ZDHHC14: variants seen among roughly 807,000 people sequenced by gnomAD.
ZDHHC14 encodes palmitoyltransferase ZDHHC14.
A neutral mutation model predicts 47.7 loss-of-function variants in ZDHHC14; 16 were observed. That is an observed-to-expected ratio of 0.34 (90% CI 0.23 to 0.51). The LOEUF is 0.51. Ranked by LOEUF, ZDHHC14 falls within the 20% of genes least tolerant of loss-of-function variation. ZDHHC14 has a pLI of 0.97. For synonymous variants in ZDHHC14, 293 were observed against 278.9 expected (o/e 1.05, Z -0.50); for missense variants, 515 against 662.5 (o/e 0.78, Z 2.44).
intron 1 of ZDHHC14, among the ~76,000 whole-genome samples, chr6:157,459,912 C>T (rs1779026795): frequency 1.3e-5 from 2 of 151,258 alleles, no homozygotes; most frequent in Non-Finnish European, 2.9e-5. Flanking sequence ...TCTGTCCCTG[C>T]TAAAAATTGA....
intron 3 of ZDHHC14, among the ~76,000 whole-genome samples, chr6:157,595,149 CCT>C (rs1784069825): frequency 7.3e-6 from 1 of 136,910 alleles, no homozygotes; most frequent in Non-Finnish European, 1.5e-5. Context: ...ACTCATTTAT[CCT>C]CTGTTTCTTG....
At chr6:157,645,683 C>T (rs1777504473) in intron 5 of ZDHHC14, 54 bp from the exon 6 acceptor site, 1 of 1,466,138 alleles carries the variant, frequency 6.8e-7, no homozygotes, top group Non-Finnish European at 9.5e-7. Context: ...GCCTCCATCA[C>T]ATCCACTTCT....
chr6:157,571,241 G>A (rs147285707), intron 2 of ZDHHC14, among the ~76,000 whole-genome samples: 5,535 of 152,262 alleles, frequency 0.036, 139 homozygotes, highest in Non-Finnish European at 0.056. Flanking sequence ...TGAATGAAAC[G>A]TACTTTATTA....
chr6:157,492,200 G>A (rs894033530), intron 1 of ZDHHC14, among the ~76,000 whole-genome samples: 7 of 81,168 alleles, frequency 8.6e-5, no homozygotes, highest in African/African-American at 3.6e-4. Context: ...TCCCCCCTCC[G>A]CCCCCGCCCC....
At chr6:157,435,083 C>T (rs561869061) in intron 1 of ZDHHC14, among the ~76,000 whole-genome samples, 1 of 152,262 alleles carries the variant, frequency 6.6e-6, no homozygotes, top group Non-Finnish European at 1.5e-5. Flanking sequence ...ATTGTTTTCA[C>T]TCCGGAAGGA....
chr6:157,620,336 G>A (rs1785138953), intron 3 of ZDHHC14, among the ~76,000 whole-genome samples: 1 of 152,124 alleles, frequency 6.6e-6, no homozygotes, highest in Non-Finnish European at 1.5e-5. Flanking sequence ...CACCCTGATG[G>A]CCTCAGCTGC....
chr6:157,575,813 G>A (rs1783283927), intron 2 of ZDHHC14, among the ~76,000 whole-genome samples: 1 of 152,224 alleles, frequency 6.6e-6, no homozygotes, highest in Non-Finnish European at 1.5e-5. Context: ...ATTCCTTGAA[G>A]GCAAGCACCA....
intron 2 of ZDHHC14, among the ~76,000 whole-genome samples, chr6:157,577,648 CA>C (rs1783355443): frequency 6.6e-6 from 1 of 152,220 alleles, no homozygotes; most frequent in Non-Finnish European, 1.5e-5. Flanking sequence ...CTCCCAGGTT[CA>C]AGTGATTCTC....
At chr6:157,594,794 C>T (rs1026549492) in intron 3 of ZDHHC14, among the ~76,000 whole-genome samples, 3 of 152,204 alleles carry the variant, frequency 2.0e-5, no homozygotes, top group African/African-American at 7.2e-5. Flanking sequence ...ACACCAGCCC[C>T]AGTGTCCATT....
intron 2 of ZDHHC14, among the ~76,000 whole-genome samples, chr6:157,559,742 A>T (rs755486790): frequency 6.6e-6 from 1 of 152,224 alleles, no homozygotes; most frequent in African/African-American, 2.4e-5. Flanking sequence ...TTTGTCCAGA[A>T]AAGAGTCTGG....
intron 1 of ZDHHC14, among the ~76,000 whole-genome samples, chr6:157,417,719 G>A (rs1034053465): frequency 2.0e-5 from 3 of 152,134 alleles, no homozygotes; most frequent in Admixed American, 6.5e-5. Flanking sequence ...GGTGGCTCAC[G>A]CCTGTAATCC....
intron 1 of ZDHHC14, among the ~76,000 whole-genome samples, chr6:157,411,920 C>CAT (rs889457811): frequency 5.3e-5 from 8 of 150,806 alleles, no homozygotes; most frequent in East Asian, 1.9e-4. Context: ...GAGATATATA[C>CAT]ATATATATAT....
intron 3 of ZDHHC14, among the ~76,000 whole-genome samples, chr6:157,612,231 C>T (rs150747828): frequency 2.6e-5 from 4 of 152,276 alleles, no homozygotes; most frequent in Admixed American, 6.5e-5. Context: ...AGCTGCAAGC[C>T]GCCATCATCT....
chr6:157,536,628 T>A (rs1249531835), intron 1 of ZDHHC14, among the ~76,000 whole-genome samples: 2 of 152,194 alleles, frequency 1.3e-5, no homozygotes, highest in Non-Finnish European at 2.9e-5. Flanking sequence ...AAGAAATTAA[T>A]TTAGTCTTAG....
chr6:157,614,766 T>TG (rs887868330), intron 3 of ZDHHC14, among the ~76,000 whole-genome samples: 3 of 130,710 alleles, frequency 2.3e-5, no homozygotes, highest in Admixed American at 7.0e-5. Context: ...AAACTCTTCA[T>TG]GTTTTTTTTT....
At chr6:157,492,383 G>T (rs1779947061) in intron 1 of ZDHHC14, among the ~76,000 whole-genome samples, 2 of 152,118 alleles carry the variant, frequency 1.3e-5, no homozygotes, top group South Asian at 4.2e-4. Context: ...CCTGCTCTCT[G>T]CCCTTCCCCT....
chr6:157,614,193 T>C lies in ZDHHC14; in HGVS notation c.566-14156T>C, dbSNP rs1020549741. 4.6e-5 allele frequency among the ~76,000 whole-genome samples: 7 copies of C among 152,170 alleles called. No homozygotes were observed. The South Asian group carries it at 6.2e-4, about 14-fold the overall frequency. On this transcript the variant is annotated intron_variant, in intron 3 of 8. Coordinates refer to ENST00000359775, the MANE Select transcript of ZDHHC14 (RefSeq NM_024630.3). Reference sequence around the variant, plus strand: ...GGACCCAAGTTCAAGTCCTGTGCCATAGAGTCCTACATCCCATCAACAGTG... The same window carrying C: ...GGACCCAAGTTCAAGTCCTGTGCCACAGAGTCCTACATCCCATCAACAGTG...
intron 5 of ZDHHC14, among the ~76,000 whole-genome samples, chr6:157,635,425 C>T (rs1293813494): frequency 6.6e-6 from 1 of 152,236 alleles, no homozygotes; most frequent in Non-Finnish European, 1.5e-5. Context: ...TTAATACCTG[C>T]TCCATGGCAA....
At chr6:157,637,674 T>A (rs1248028612) in intron 5 of ZDHHC14, among the ~76,000 whole-genome samples, 1 of 152,206 alleles carries the variant, frequency 6.6e-6, no homozygotes, top group Non-Finnish European at 1.5e-5. Flanking sequence ...CCTCTGCAAG[T>A]GACCTCTGCA....
Sources: gnomAD v4.1 joint callset for allele counts (sites outside exome capture counted in the v4.1 genomes callset) on GRCh38, gnomAD v4.1.1 for gene constraint, MANE v1.5 for transcripts, NCBI Gene and HGNC (gene_info 2026-07-23, HGNC 2026-07-21) for gene names.